SIAH3: variants seen among roughly 807,000 people sequenced by gnomAD.
The protein encoded by SIAH3 is seven in absentia homolog 3.
In SIAH3, 9 loss-of-function variants were observed where a neutral mutation model predicts 12.6. The ratio of observed to expected loss-of-function variants is 0.72; its 90% confidence interval spans 0.43 to 1.25. The LOEUF (loss-of-function observed/expected upper bound fraction) is 1.25, where lower values mean the gene tolerates loss of function less well. Ranked by LOEUF, SIAH3 falls within the 50% of genes most tolerant of loss-of-function variation. The pLI, the probability that SIAH3 is intolerant of heterozygous loss-of-function variation, is 0.00. For synonymous variants in SIAH3, 154 were observed against 151.1 expected, an observed-to-expected ratio of 1.02 and a Z score of -0.14; for missense variants, 390 against 365.4, an observed-to-expected ratio of 1.07 and a Z score of -0.55.
chr13:45,781,813 G>T lies in SIAH3; in HGVS notation c.*1570C>A, dbSNP rs1291674688. The T allele has an allele frequency of 5.3e-5, 8 of 152,222 alleles. No individual in the cohort carries two copies. Among genetic ancestry groups the T allele is most frequent in the African/African-American group, 1.9e-4 (8 of 41,458 alleles). The allele number at this position is 152,222 out of a possible 1,614,324, so 9.4% of individuals were successfully genotyped here. A position where few individuals can be genotyped will look rare whatever the true frequency, so the allele number is the denominator to read the frequency against. On this transcript the variant is annotated 3_prime_UTR_variant, in exon 2 of 2. Coordinates refer to ENST00000400405, the MANE Select transcript of SIAH3 (RefSeq NM_198849.3). ...TATTTTTGGTGGAGAAAAAATTGCA[G>T]ATGGCCAGCCAGGGCAACCTGCCTG... is the stretch of plus-strand genomic sequence containing the variant.
At chr13:45,836,199 C>A (rs910308408) in intron 1 of SIAH3, among the ~76,000 whole-genome samples, 1 of 152,190 alleles carries the variant, frequency 6.6e-6, no homozygotes, top group African/African-American at 2.4e-5. Context: ...GAGGAGAAGG[C>A]AGGGACTAGG....
chr13:45,827,794 G>A (rs898887585), intron 1 of SIAH3, among the ~76,000 whole-genome samples: 1 of 152,164 alleles, frequency 6.6e-6, no homozygotes, highest in African/African-American at 2.4e-5. Context: ...CCAGGCCCCT[G>A]CCACCTCTAC....
intron 1 of SIAH3, among the ~76,000 whole-genome samples, chr13:45,816,795 C>G (rs1440609151): frequency 1.3e-5 from 2 of 152,136 alleles, no homozygotes; most frequent in Non-Finnish European, 2.9e-5. Flanking sequence ...GAGAAACAGC[C>G]CACGGTAACT....
In SIAH3 at chr13:45,819,063, C is replaced by T. The variant is rs554248962; in HGVS notation, c.135+32432G>A. Among the ~76,000 whole-genome samples the T allele has an allele frequency of 1.0e-3, 155 of 152,240 alleles. 1 individual carries two copies. Among genetic ancestry groups the T allele is most frequent in the Middle Eastern group, 3.4e-3 (1 of 294 alleles). ...CTGGCTAAATGCTGACCCAGAGCCA[C>T]GAAAAGGGCTCTGGCTGCAGTGTGC... On this transcript the variant is annotated intron_variant, in intron 1 of 1. Transcript: ENST00000400405.
chr13:45,802,853 A>G (rs1593378886), intron 1 of SIAH3, among the ~76,000 whole-genome samples: 1 of 151,998 alleles, frequency 6.6e-6, no homozygotes, highest in Admixed American at 6.6e-5. Context: ...AGGTGGATCA[A>G]CTGAGGTCAG....
At chr13:45,789,378 ATCT>A (rs1950538459) in intron 1 of SIAH3, among the ~76,000 whole-genome samples, 1 of 35,346 alleles carries the variant, frequency 2.8e-5, no homozygotes, top group Non-Finnish European at 5.8e-5. Flanking sequence ...CTATCTATCT[ATCT>A]ATCTATCTAT....
intron 1 of SIAH3, among the ~76,000 whole-genome samples, chr13:45,828,172 C>A (rs1950685563): frequency 6.6e-6 from 1 of 152,194 alleles, no homozygotes; most frequent in African/African-American, 2.4e-5. Flanking sequence ...ATATCATAAG[C>A]AAAGCATCCC....
chr13:45,785,323 C>T (rs1321628413), intron 1 of SIAH3, among the ~76,000 whole-genome samples: 1 of 152,192 alleles, frequency 6.6e-6, no homozygotes, highest in Non-Finnish European at 1.5e-5. Context: ...GTCCCTTCTG[C>T]CCTAGCTCTC....
rs868621156 is a variant in SIAH3 at position 45,830,322 on chromosome 13, G to A, written c.135+21173C>T. 4.6e-5 allele frequency among the ~76,000 whole-genome samples: 7 copies of A among 151,608 alleles called. No homozygotes were observed. In the Middle Eastern group the frequency reaches 0.024, roughly 516 times the overall value. Reference sequence around the variant, plus strand: ...CCTGTCAGGGGCATGCATGCTGGTGGCACTGTGCACTCTTGGGAGAAGGAC... The same window carrying A: ...CCTGTCAGGGGCATGCATGCTGGTGACACTGTGCACTCTTGGGAGAAGGAC... On this transcript the variant is annotated intron_variant, in intron 1 of 1. Transcript: ENST00000400405.
intron 1 of SIAH3, among the ~76,000 whole-genome samples, chr13:45,821,921 A>G (rs1950657199): frequency 6.6e-6 from 1 of 152,204 alleles, no homozygotes; most frequent in African/African-American, 2.4e-5. Flanking sequence ...ACCACCCTCC[A>G]CAGAGCAGGG....
At position 45,817,345 on chromosome 13, in the gene SIAH3, G is replaced by A. The variant is rs920243700; in HGVS notation, c.136-33288C>T. ...ATAGGCTATGCCATATAGCCTAGGTGTGGAGGAGGCTAGATTATCTAGGTC... is the reference window on the plus strand; with the variant it reads ...ATAGGCTATGCCATATAGCCTAGGTATGGAGGAGGCTAGATTATCTAGGTC... On this transcript the variant is annotated intron_variant, in intron 1 of 1. Coordinates refer to ENST00000400405, the MANE Select transcript of SIAH3 (RefSeq NM_198849.3). Among the ~76,000 whole-genome samples, 4 of 152,352 alleles carry A rather than the reference G, an allele frequency of 2.6e-5. No individual in the cohort carries two copies. In the South Asian group the frequency reaches 8.3e-4, roughly 32 times the overall value.
rs919308427 is a variant in SIAH3, at chr13:45,779,106, T to A, written c.*4277A>T. The stretch of plus-strand genomic sequence containing the variant: ...AAGCAATCACCATGACGTCACTAAA[T>A]GTGGAGCTGGAAGATGCGGTGCAGC... On this transcript the variant is annotated 3_prime_UTR_variant, in exon 2 of 2. Transcript: ENST00000400405. 1.2e-4 allele frequency: 19 copies of A among 152,332 alleles called. No individual in the cohort carries two copies. Among genetic ancestry groups the A allele is most frequent in the African/African-American group, 4.6e-4 (19 of 41,574 alleles). The allele number at this position is 152,332 out of a possible 1,614,324, so 9.4% of individuals were successfully genotyped here.
At chr13:45,849,404 A>G (rs1950771848) in intron 1 of SIAH3, among the ~76,000 whole-genome samples, 1 of 152,236 alleles carries the variant, frequency 6.6e-6, no homozygotes, top group East Asian at 1.9e-4. Flanking sequence ...TTAAGTGACA[A>G]CTTTTGAATT....
intron 1 of SIAH3, among the ~76,000 whole-genome samples, chr13:45,796,576 G>T (rs909110350): frequency 2.6e-5 from 4 of 152,222 alleles, no homozygotes; most frequent in Non-Finnish European, 5.9e-5. Flanking sequence ...AAACACAGTA[G>T]ATAAGTTGCT....
intron 1 of SIAH3, among the ~76,000 whole-genome samples, chr13:45,843,769 G>A (rs1240013203): frequency 6.6e-6 from 1 of 152,346 alleles, no homozygotes; most frequent in East Asian, 1.9e-4. Flanking sequence ...AGGAAGGGAA[G>A]GCGGAGAAAG....
intron 1 of SIAH3, among the ~76,000 whole-genome samples, chr13:45,819,265 C>T (rs536208523): frequency 7.2e-5 from 11 of 152,310 alleles, no homozygotes; most frequent in Non-Finnish European, 1.2e-4. Flanking sequence ...ATGAATTTTA[C>T]GTGAGCCATT....
intron 1 of SIAH3, among the ~76,000 whole-genome samples, chr13:45,824,671 A>G (rs1246768250): frequency 1.3e-5 from 2 of 148,722 alleles, no homozygotes; most frequent in African/African-American, 2.6e-5. Context: ...CTCCAGACAC[A>G]TAGAGCCTGG....
chr13:45,843,960 C>A (rs1176642671), intron 1 of SIAH3, among the ~76,000 whole-genome samples: 1 of 152,218 alleles, frequency 6.6e-6, no homozygotes, highest in African/African-American at 2.4e-5. Context: ...CTGAAAATCT[C>A]ATTCCCAAAA....
At chr13:45,807,468 C>T (rs1950601951) in intron 1 of SIAH3, among the ~76,000 whole-genome samples, 1 of 152,090 alleles carries the variant, frequency 6.6e-6, no homozygotes, top group South Asian at 2.1e-4. Flanking sequence ...GTTAGAACAG[C>T]ACAGAGAACC....
Sources: allele counts gnomAD v4.1 joint callset (sites outside exome capture counted in the v4.1 genomes callset), GRCh38; gene constraint gnomAD v4.1.1; transcripts MANE v1.5; gene names NCBI Gene and HGNC (gene_info 2026-07-23, HGNC 2026-07-21).